COX10: variants seen among roughly 807,000 people sequenced by gnomAD.
COX10 encodes cytochrome c oxidase assembly factor heme A:farnesyltransferase COX10.
Under a neutral mutation model 37.3 loss-of-function variants are expected in COX10, and 27 were observed. The observed-to-expected ratio is 0.72, with a 90% CI of 0.53 to 1.00. The LOEUF (loss-of-function observed/expected upper bound fraction) is 1.00. Ranked by LOEUF, COX10 falls within the 50% of genes least tolerant of loss-of-function variation. The pLI, the probability that COX10 is intolerant of heterozygous loss-of-function variation, is 0.00. For synonymous variants in COX10, 222 were observed against 229.1 expected (o/e 0.97, Z 0.28); for missense variants, 475 against 563.2 (o/e 0.84, Z 1.59).
rs373362643 is a variant in COX10, at chr17:14,090,147, G to C, written c.500-11971G>C. 3.9e-5 allele frequency among the ~76,000 whole-genome samples: 6 copies of C among 152,092 alleles called. No individual in the cohort carries two copies. In the East Asian group the frequency reaches 5.8e-4, roughly 15 times the overall value. ...CAGATCTCCCTCTATCTACTATGTG[G>C]AGAGAATGTTATCTGAATCACTCGA... On this transcript the variant is annotated intron_variant, in intron 3 of 6. Transcript: ENST00000261643.
intron 3 of COX10, among the ~76,000 whole-genome samples, chr17:14,079,311 T>C (rs1394731127): frequency 1.3e-5 from 2 of 152,222 alleles, no homozygotes; most frequent in Admixed American, 1.3e-4. Context: ...TTTTTGCCTG[T>C]GGAGGGACTT....
intron 4 of COX10, 129 bp downstream of exon 4, chr17:14,102,371 T>TTC: frequency 7.3e-7 from 1 of 1,374,062 alleles, no homozygotes; most frequent in Non-Finnish European, 1.0e-6. Flanking sequence ...ATATATCCTA[T>TTC]AGGAGCCTGT....
chr17:14,109,444 C>G (rs1471093243), intron 4 of COX10, among the ~76,000 whole-genome samples: 1 of 152,052 alleles, frequency 6.6e-6, no homozygotes, highest in African/African-American at 2.4e-5. Context: ...CCAACAAATG[C>G]AGAAATTATG....
At chr17:14,074,513 G>T in intron 2 of COX10, 57 bp downstream of exon 2, 1 of 1,475,332 alleles carries the variant, frequency 6.8e-7, no homozygotes, top group Non-Finnish European at 9.5e-7. Context: ...TCTGTTGAGA[G>T]AATTTCAGAA....
intron 5 of COX10, among the ~76,000 whole-genome samples, chr17:14,174,875 G>A (rs1034089927): frequency 1.3e-5 from 2 of 151,066 alleles, no homozygotes; most frequent in Non-Finnish European, 2.9e-5. Context: ...CTGATGAATA[G>A]ATAAACAAAA....
At chr17:14,079,505 A>G (rs1915231430) in intron 3 of COX10, among the ~76,000 whole-genome samples, 1 of 152,156 alleles carries the variant, frequency 6.6e-6, no homozygotes, top group Non-Finnish European at 1.5e-5. Flanking sequence ...AAGATCGAAG[A>G]GTTAGGCAGT....
chr17:14,076,154 C>A (rs1325987764), intron 2 of COX10, among the ~76,000 whole-genome samples: 1 of 109,988 alleles, frequency 9.1e-6, no homozygotes, highest in African/African-American at 3.6e-5. Context: ...CTCACTGTGT[C>A]GTTCAGGCTG....
chr17:14,140,319 C>A (rs1904500560), intron 4 of COX10, among the ~76,000 whole-genome samples: 1 of 152,066 alleles, frequency 6.6e-6, no homozygotes, highest in Non-Finnish European at 1.5e-5. Context: ...GTATTTTAGG[C>A]ATTCTTCCAG....
chr17:14,183,759 A>G (rs1905940921), intron 5 of COX10, among the ~76,000 whole-genome samples: 2 of 152,376 alleles, frequency 1.3e-5, no homozygotes, highest in African/African-American at 2.4e-5. Context: ...CTCTATTTAA[A>G]TAGGTCCTTC....
chr17:14,179,472 A>T (rs1905789896), intron 5 of COX10, among the ~76,000 whole-genome samples: 1 of 152,222 alleles, frequency 6.6e-6, no homozygotes, highest in Non-Finnish European at 1.5e-5. Context: ...TATAATGCTC[A>T]AAGTTTTATA....
chr17:14,083,014 G>A (rs188114035), intron 3 of COX10, among the ~76,000 whole-genome samples: 9 of 152,308 alleles, frequency 5.9e-5, no homozygotes, highest in African/African-American at 1.7e-4. Context: ...AGCCAGCGGA[G>A]CCGGTCACTA....
In COX10 at chr17:14,207,030, C is replaced by T. The variant is rs1906725689; in HGVS notation, c.1149C>T (p.Ile383=). Residue 383 remains isoleucine (I), a synonymous_variant, in exon 7 of 7, where the codon ATC becomes ATT. Transcript: ENST00000261643. The part of the protein sequence containing the change: ...VLDITTWTFP[I]MALPINAYIS... ...ACATCACCACATGGACCTTCCCCAT[C>T]ATGGCCCTTCCCATCAATGCGTACA... 2 of 1,614,110 alleles carry T rather than the reference C, an allele frequency of 1.2e-6. No homozygotes were observed. Among genetic ancestry groups the T allele is most frequent in the Non-Finnish European group, 1.7e-6 (2 of 1,179,938 alleles).
In COX10 at chr17:14,140,695, G is replaced by GT. The variant is rs1419531954; in HGVS notation, c.625-19181dup. ...ATGTTAAACATTTTACATTCTAATA[G>GT]TAACCTCATCGACCTGTTAAAAGGC... On this transcript the variant is annotated intron_variant, in intron 4 of 6. Transcript: ENST00000261643. 2.0e-5 allele frequency among the ~76,000 whole-genome samples: 3 copies of GT among 151,706 alleles called. No individual in the cohort carries two copies. In the East Asian group the frequency reaches 5.8e-4, roughly 29 times the overall value.
chr17:14,107,230 T>A (rs1474123209), intron 4 of COX10, among the ~76,000 whole-genome samples: 1 of 151,744 alleles, frequency 6.6e-6, no homozygotes, highest in African/African-American at 2.4e-5. Flanking sequence ...TTCATTTTTT[T>A]TTTCTGAGAT....
intron 4 of COX10, among the ~76,000 whole-genome samples, chr17:14,136,877 A>G (rs888978551): frequency 3.9e-5 from 6 of 152,018 alleles, no homozygotes; most frequent in Admixed American, 2.0e-4. Flanking sequence ...TTTCCATTTG[A>G]CATTGAAATC....
intron 4 of COX10, among the ~76,000 whole-genome samples, chr17:14,149,527 A>G (rs1257361268): frequency 1.3e-5 from 2 of 152,194 alleles, no homozygotes; most frequent in Non-Finnish European, 2.9e-5. Flanking sequence ...CCGTGCTCAC[A>G]GGATAGTCAC....
At chr17:14,133,991 G>A (rs8079640) in intron 4 of COX10, among the ~76,000 whole-genome samples, 22,037 of 151,406 alleles carry the variant, frequency 0.15, 3,059 homozygotes, top group African/African-American at 0.36. Context: ...CCTGGTATTC[G>A]TAATGGTTAT....
intron 4 of COX10, among the ~76,000 whole-genome samples, chr17:14,148,769 C>G (rs2142231469): frequency 6.6e-6 from 1 of 152,128 alleles, no homozygotes; most frequent in South Asian, 2.1e-4. Context: ...TGTGGTATTT[C>G]TATCCATTTT....
chr17:14,091,122 A>G (rs1324749049), intron 3 of COX10, among the ~76,000 whole-genome samples: 1 of 152,172 alleles, frequency 6.6e-6, no homozygotes, highest in Non-Finnish European at 1.5e-5. Flanking sequence ...ATTTATAGTT[A>G]CTTGGTCTGC....
Sources: gnomAD v4.1 joint callset for allele counts (sites outside exome capture counted in the v4.1 genomes callset) on GRCh38, gnomAD v4.1.1 for gene constraint, MANE v1.5 for transcripts, NCBI Gene and HGNC (gene_info 2026-07-23, HGNC 2026-07-21) for gene names.